The following GRIK2 variants were observed in gnomAD, a reference collection of about 807,000 sequenced individuals.
GRIK2 encodes glutamate receptor ionotropic, kainate 2.
A neutral mutation model predicts 100.3 loss-of-function variants in GRIK2; 32 were observed. The observed-to-expected ratio is 0.32, with a 90% CI of 0.24 to 0.43. GRIK2 has a LOEUF of 0.43. Among genes scored for constraint, GRIK2 ranks in the 20% least tolerant of loss-of-function variants. The pLI is 1.00. For missense variants in GRIK2, 843 were observed against 1,114.9 expected (o/e 0.76, Z 3.47); for synonymous variants, 417 against 389.4 (o/e 1.07, Z -0.83).
chr6:101,807,180 A>T (rs1241775418), intron 9 of GRIK2, among the ~76,000 whole-genome samples: 1 of 151,922 alleles, frequency 6.6e-6, no homozygotes, highest in Non-Finnish European at 1.5e-5. Context: ...CAACATGAGG[A>T]CAGGGAAAGA....
chr6:101,747,741 T>C (rs1776510888), intron 7 of GRIK2, among the ~76,000 whole-genome samples: 1 of 152,116 alleles, frequency 6.6e-6, no homozygotes, highest in Non-Finnish European at 1.5e-5. Context: ...TTAAATTATA[T>C]CAGAATTACT....
chr6:101,529,975 A>G (rs1775349206), intron 2 of GRIK2, among the ~76,000 whole-genome samples: 1 of 152,088 alleles, frequency 6.6e-6, no homozygotes, highest in Non-Finnish European at 1.5e-5. Context: ...AGAGACATTA[A>G]AAAATATGTA....
chr6:101,805,021 C>G (rs1432847765), intron 9 of GRIK2, among the ~76,000 whole-genome samples: 1 of 151,794 alleles, frequency 6.6e-6, no homozygotes, highest in East Asian at 1.9e-4. Flanking sequence ...TTTTTGTGGA[C>G]AAATTTATTA....
chr6:101,827,940 G>A (rs1782443436), intron 10 of GRIK2, among the ~76,000 whole-genome samples: 1 of 151,848 alleles, frequency 6.6e-6, no homozygotes, highest in Non-Finnish European at 1.5e-5. Flanking sequence ...CTAATAGGCA[G>A]CTACAGAATC....
At chr6:101,755,463 G>A (rs1008261281) in intron 7 of GRIK2, among the ~76,000 whole-genome samples, 2 of 151,972 alleles carry the variant, frequency 1.3e-5, no homozygotes, top group African/African-American at 4.8e-5. Flanking sequence ...CACCGTGCCC[G>A]GCCGCATAAA....
intron 14 of GRIK2, among the ~76,000 whole-genome samples, chr6:101,992,461 A>G (rs951818282): frequency 6.6e-6 from 1 of 151,682 alleles, no homozygotes; most frequent in Non-Finnish European, 1.5e-5. Flanking sequence ...AAGAAAAATA[A>G]CAAAGAGCAA....
intron 12 of GRIK2, among the ~76,000 whole-genome samples, chr6:101,899,389 A>G (rs1212704407): frequency 6.6e-6 from 1 of 152,022 alleles, no homozygotes; most frequent in African/African-American, 2.4e-5. Flanking sequence ...TTCACGTTTC[A>G]TTCCTAATGA....
At chr6:101,854,864 A>G (rs1369995761) in intron 10 of GRIK2, among the ~76,000 whole-genome samples, 2 of 152,192 alleles carry the variant, frequency 1.3e-5, no homozygotes, top group Non-Finnish European at 2.9e-5. Context: ...CAAAAACCCA[A>G]TAGTAAGCCA....
intron 10 of GRIK2, among the ~76,000 whole-genome samples, chr6:101,841,909 A>C (rs1783530056): frequency 6.6e-6 from 1 of 152,146 alleles, no homozygotes; most frequent in Non-Finnish European, 1.5e-5. Context: ...AGCTTTCAGT[A>C]AGGTCTGCGA....
intron 2 of GRIK2, among the ~76,000 whole-genome samples, chr6:101,610,746 T>C (rs997006622): frequency 6.6e-6 from 1 of 151,856 alleles, no homozygotes; most frequent in Admixed American, 6.6e-5. Flanking sequence ...GCTCATCCAG[T>C]CACTTTTCGC....
At chr6:101,908,033 T>G (rs1363149193) in intron 12 of GRIK2, among the ~76,000 whole-genome samples, 1 of 151,646 alleles carries the variant, frequency 6.6e-6, no homozygotes, top group Non-Finnish European at 1.5e-5. Flanking sequence ...TTTCTCTTCC[T>G]ACTGTTTCAG....
At chr6:101,866,530 A>T (rs896732638) in intron 11 of GRIK2, among the ~76,000 whole-genome samples, 4 of 152,150 alleles carry the variant, frequency 2.6e-5, no homozygotes, top group African/African-American at 4.8e-5. Flanking sequence ...ATTTCATTAG[A>T]TATTAAAAAG....
intron 7 of GRIK2, among the ~76,000 whole-genome samples, chr6:101,742,530 T>C (rs1172830280): frequency 1.3e-5 from 2 of 152,174 alleles, no homozygotes; most frequent in Non-Finnish European, 1.5e-5. Flanking sequence ...AGCTTGGTTT[T>C]ATACATTTTA....
chr6:102,055,508 C>A lies in GRIK2; in HGVS notation c.2490C>A (p.Gly830=), dbSNP rs758093328. 9.3e-6 allele frequency: 15 copies of A among 1,613,370 alleles called. No homozygotes were observed. The highest frequency in any genetic ancestry group is 1.2e-5 in the Non-Finnish European group (14 of 1,179,434). ...GCATCTTCATTGTTCTGGCAGCCGG[C>A]TTGGTGCTTTCAGTTTTTGTGGCAG... ...IGGIFIVLAA[G]LVLSVFVAVG... The change falls in exon 16 of 17, where the codon GGC becomes GGA. Residue 830 remains glycine (G), a synonymous_variant. Coordinates refer to ENST00000369134, the MANE Select transcript of GRIK2 (RefSeq NM_021956.5).
At chr6:101,505,052 T>G (rs1582599162) in intron 2 of GRIK2, among the ~76,000 whole-genome samples, 1 of 114,370 alleles carries the variant, frequency 8.7e-6, no homozygotes, top group South Asian at 4.1e-4. Flanking sequence ...TGTCATTAAG[T>G]TTTTTTTGTT....
chr6:101,910,494 T>C (rs1190632764), intron 12 of GRIK2, among the ~76,000 whole-genome samples: 1 of 151,342 alleles, frequency 6.6e-6, no homozygotes, highest in East Asian at 1.9e-4. Context: ...TAGTTAAATA[T>C]GAATGTCATC....
At chr6:101,630,540 G>C (rs144240997) in intron 4 of GRIK2, among the ~76,000 whole-genome samples, 26 of 152,000 alleles carry the variant, frequency 1.7e-4, no homozygotes, top group South Asian at 8.3e-4. Flanking sequence ...CCTGTCCTTT[G>C]CTTACTTTTT....
Position 102,068,679 on chromosome 6 carries a change from C to G in GRIK2, c.*168C>G. 1.0e-5 allele frequency: 6 copies of G among 590,266 alleles called. No homozygotes were observed. The South Asian group carries it at 1.3e-4, about 13-fold the overall frequency. 36.6% of individuals were successfully genotyped at this position (590,266 alleles called of 1,614,324 possible). ...GATCTAAGCAGTTGCAATGATCAGA[C>G]TTGATTTACAAGCATCATGGATCAA... On this transcript the variant is annotated 3_prime_UTR_variant, in exon 17 of 17. Transcript: ENST00000369134.
At chr6:101,547,439 A>T (rs964451120) in intron 2 of GRIK2, among the ~76,000 whole-genome samples, 1 of 152,142 alleles carries the variant, frequency 6.6e-6, no homozygotes, top group African/African-American at 2.4e-5. Flanking sequence ...ATTTAACATT[A>T]GATATATCTC....
Sources: gnomAD v4.1 joint callset for allele counts (sites outside exome capture counted in the v4.1 genomes callset) on GRCh38, gnomAD v4.1.1 for gene constraint, MANE v1.5 for transcripts, NCBI Gene and HGNC (gene_info 2026-07-23, HGNC 2026-07-21) for gene names.